MUC5B: variants seen among roughly 807,000 people sequenced by gnomAD.
The protein encoded by MUC5B is mucin 5B, oligomeric mucus/gel-forming.
In MUC5B, 116 loss-of-function variants were observed where a neutral mutation model predicts 376.9. The observed-to-expected ratio is 0.31, with a 90% CI of 0.26 to 0.36. MUC5B has a LOEUF of 0.36. Ranked by LOEUF, MUC5B falls within the 10% of genes least tolerant of loss-of-function variation. MUC5B has a pLI of 1.00. For missense variants in MUC5B, 7,165 were observed against 7,769.9 expected, an observed-to-expected ratio of 0.92 and a Z score of 2.93; for synonymous variants, 3,517 against 3,390.9, an observed-to-expected ratio of 1.04 and a Z score of -1.29.
rs769050062 is a variant in MUC5B at position 1,232,444 on chromosome 11, C to G, written c.1844-6C>G. The G allele has an allele frequency of 4.4e-6, 7 of 1,601,032 alleles. No individual in the cohort carries two copies. In the East Asian group the frequency reaches 1.4e-4, roughly 31 times the overall value. On this transcript the variant is annotated splice_polypyrimidine_tract_variant and splice_region_variant and intron_variant, in intron 15 of 48. Transcript: ENST00000529681. ...GCGTGGAGATGAGGTCAGGTCTTCCCCACAGAGAACTACGCCCGGCACTGG... is the reference window on the plus strand; with the variant it reads ...GCGTGGAGATGAGGTCAGGTCTTCCGCACAGAGAACTACGCCCGGCACTGG...
At position 1,250,091 on chromosome 11, in the gene MUC5B, C is replaced by G. The variant is rs2943517; in HGVS notation, c.13211C>G (p.Ala4404Gly). The change falls in exon 31 of 49, where the codon GCC becomes GGC. Residue 4404 changes from alanine (A) to glycine (G), a missense_variant. Transcript: ENST00000529681. ...ELTTAATTTAATGPTATPSST... is the reference protein window; with the variant it reads ...ELTTAATTTAGTGPTATPSST... The stretch of plus-strand genomic sequence containing the variant: ...ACCACAGCAGCCACTACAACTGCAG[C>G]CACTGGCCCCACGGCCACCCCGTCC... The G allele has an allele frequency of 0.44, 712,636 of 1,610,152 alleles. 159,555 individuals carry two copies. Among genetic ancestry groups the G allele is most frequent in the East Asian group, 0.67 (29,698 of 44,238 alleles).
In MUC5B at chr11:1,249,033, C is replaced by T. The variant is rs747420835; in HGVS notation, c.12153C>T (p.Thr4051=). ...AGCCTTCCACGGGGACTTCCCACAC[C>T]CCAGCAGCAACCACCGGTACCACCC... The part of the protein sequence containing the change: ...ITEPSTGTSH[T]PAATTGTTQH... Residue 4051 remains threonine (T), a synonymous_variant, in exon 31 of 49, where the codon ACC becomes ACT. Transcript: ENST00000529681. 6.8e-6 allele frequency: 11 copies of T among 1,610,326 alleles called. No individual in the cohort carries two copies. Among genetic ancestry groups the T allele is most frequent in the Non-Finnish European group, 8.5e-6 (10 of 1,179,286 alleles).
In MUC5B at chr11:1,253,788, C is replaced by G. The variant is rs72846374; in HGVS notation, c.15218-304C>G. On this transcript the variant is annotated intron_variant, in intron 33 of 48. Coordinates refer to ENST00000529681, the MANE Select transcript of MUC5B (RefSeq NM_002458.3). The surrounding 1 kb of genome is among the most constrained non-coding windows in gnomAD (Gnocchi z 4.3). ...TTCTGTCTCCCGTAAGGACACTGGT[C>G]ATTGGATTGAGGGCCCACCCAGCTA... Among the ~76,000 whole-genome samples the G allele has an allele frequency of 6.6e-6, 1 of 152,272 alleles. No individual in the cohort carries two copies. The highest frequency in any genetic ancestry group is 3.4e-3 in the Middle Eastern group (1 of 294).
At chr11:1,238,834 T>C in intron 25 of MUC5B, 37 bp from the exon 26 acceptor site, 1 of 1,535,538 alleles carries the variant, frequency 6.5e-7, no homozygotes, top group Non-Finnish European at 8.8e-7. Flanking sequence ...GGGGGGGCCA[T>C]TGTCCCGGCT....
At position 1,261,886 on chromosome 11, in the gene MUC5B, G is replaced by A; in HGVS notation, c.*278G>A. 2 of 666,620 alleles carry A rather than the reference G, an allele frequency of 3.0e-6. No homozygotes were observed. Among genetic ancestry groups the A allele is most frequent in the Non-Finnish European group, 5.5e-6 (2 of 362,002 alleles). 41.3% of individuals were successfully genotyped at this position (666,620 alleles called of 1,614,324 possible). A position where few individuals can be genotyped will look rare whatever the true frequency, so the allele number is the denominator to read the frequency against. On this transcript the variant is annotated 3_prime_UTR_variant, in exon 49 of 49. Transcript: ENST00000529681. ...CTCCCTGATGTCACTGGGACGCCCT[G>A]GAACAAACTAAGCATGTGCGGGCCT...
At chr11:1,240,621 T>C (rs534201029) in intron 30 of MUC5B, among the ~76,000 whole-genome samples, 15 of 152,302 alleles carry the variant, frequency 9.8e-5, no homozygotes, top group South Asian at 8.3e-4. Context: ...CTCCGTCCCA[T>C]CCCTCAGCAC....
chr11:1,226,580 G>GCA, intron 3 of MUC5B, 35 bp from the exon 4 acceptor site: 1 of 1,585,720 alleles, frequency 6.3e-7, no homozygotes, highest in Non-Finnish European at 8.6e-7. Flanking sequence ...TGGGGGGCTG[G>GCA]CATGGGGATG....
Position 1,260,402 on chromosome 11 carries a change from A to G in MUC5B, c.16966+9A>G. 6.2e-7 allele frequency: 1 copy of G among 1,612,382 alleles called. No individual in the cohort carries two copies. Among genetic ancestry groups the G allele is most frequent in the African/African-American group, 1.3e-5 (1 of 75,034 alleles). On this transcript the variant is annotated intron_variant, in intron 47 of 48. Coordinates refer to ENST00000529681, the MANE Select transcript of MUC5B (RefSeq NM_002458.3). ...CTACTCCTGTGAGGAGGGTAAGTGG[A>G]AGCCACCTTCCCACACCAGCCCTCC...
intron 26 of MUC5B, 95 bp downstream of exon 26, chr11:1,239,122 A>C: frequency 7.0e-7 from 1 of 1,419,392 alleles, no homozygotes; most frequent in Non-Finnish European, 9.6e-7. Flanking sequence ...CCTGGGCCTG[A>C]GCCGCACACA....
rs370196435 is a variant in MUC5B, at chr11:1,252,464, C to T, written c.14985C>T (p.Ser4995=). The T allele has an allele frequency of 2.3e-4, 373 of 1,605,716 alleles. 1 individual carries two copies. Among genetic ancestry groups the T allele is most frequent in the South Asian group, 1.0e-3 (93 of 90,022 alleles). The change falls in exon 32 of 49, where the codon TCC becomes TCT. Residue 4995 remains serine, a synonymous_variant. Transcript: ENST00000529681. The part of the protein sequence containing the change: ...ACPTSPPPVS[S]APLSSPSPAP... ...CCACCTCCCCACCGCCAGTGTCCTC[C>T]GCCCCGCTGTCCTCGCCCTCCCCTG...
chr11:1,256,961 C>T (rs1213890795), intron 39 of MUC5B, among the ~76,000 whole-genome samples, 190 bp downstream of exon 39: 25 of 152,150 alleles, frequency 1.6e-4, no homozygotes, highest in Non-Finnish European at 5.9e-5. Context: ...CCACGGTCCC[C>T]TGAAGCCCCA....
rs774969000 is a variant in MUC5B, at chr11:1,254,239, C to T, written c.15365C>T (p.Thr5122Met). 1.7e-5 allele frequency: 27 copies of T among 1,612,424 alleles called. No homozygotes were observed. The highest frequency in any genetic ancestry group is 9.9e-5 in the South Asian group (9 of 91,096). ...CTCTACCTGGACAACCACTACTGCA[C>T]GGCCTCTGCCACTGCCGCTGCCGCC... Reference protein sequence around the residue: ...LSLYLDNHYCTASATAAAARC... With the variant: ...LSLYLDNHYCMASATAAAARC... The change falls in exon 34 of 49, where the codon ACG becomes ATG. Residue 5122 changes from threonine (T) to methionine (M), a missense_variant. This residue lies in a region of MUC5B where 842 missense variants were observed against 1,016.9 expected (regional missense o/e 0.83). Transcript: ENST00000529681.
chr11:1,232,988 T>TC (rs752480740), intron 17 of MUC5B, 25 bp from the exon 18 acceptor site: 1 of 1,547,624 alleles, frequency 6.5e-7, no homozygotes, highest in African/African-American at 1.4e-5. Flanking sequence ...CGCTGACCTG[T>TC]CCCCCCTGGC....
rs1300170398 is a variant in MUC5B at position 1,249,903 on chromosome 11, C to T, written c.13023C>T (p.Thr4341=). Residue 4341 remains threonine, a synonymous_variant, in exon 31 of 49, where the codon ACC becomes ACT. Coordinates refer to ENST00000529681, the MANE Select transcript of MUC5B (RefSeq NM_002458.3). ...CCACCGGGACCCTCCCAGAACAGAC[C>T]ACCACACCCGTGGCCACCATGTCCA... The part of the protein sequence containing the change: ...LGTTGTLPEQ[T]TTPVATMSTI... 2 of 1,613,688 alleles carry T rather than the reference C, an allele frequency of 1.2e-6. No individual in the cohort carries two copies. Among genetic ancestry groups the T allele is most frequent in the African/African-American group, 1.3e-5 (1 of 74,988 alleles).
In MUC5B at chr11:1,242,909, C is replaced by A. The variant is rs553603998; in HGVS notation, c.6029C>A (p.Pro2010His). 34 of 1,613,580 alleles carry A rather than the reference C, an allele frequency of 2.1e-5. No homozygotes were observed. In the Admixed American group the frequency reaches 5.5e-4, roughly 26 times the overall value. Residue 2010 changes from proline to histidine, a missense_variant, in exon 31 of 49, where the codon CCC (proline) becomes CAC (histidine). Transcript: ENST00000529681. ...ACGGCCACCATGTCCACAGCCACAC[C>A]CTCCTCCACTCCAGAGACTGCCCAC... Reference protein sequence around the residue: ...TPTATMSTATPSSTPETAHTS... With the variant: ...TPTATMSTATHSSTPETAHTS...
Position 1,249,678 on chromosome 11 carries a change from G to C in MUC5B, c.12798G>C (p.Thr4266=). The change falls in exon 31 of 49, where the codon ACG becomes ACC. Residue 4266 remains threonine, a synonymous_variant. Transcript: ENST00000529681. ...TATTTASTGS[T]ATPSSTPGTA... ...CTACGACTGCATCCACTGGATCCAC[G>C]GCCACCCCGTCCTCCACCCCGGGAA... The C allele has an allele frequency of 1.2e-6, 2 of 1,610,030 alleles. No homozygotes were observed. Among genetic ancestry groups the C allele is most frequent in the Non-Finnish European group, 1.7e-6 (2 of 1,177,956 alleles).
Position 1,241,735 on chromosome 11 carries a change from GCCA to G in MUC5B, c.4870_4872del (p.Thr1624del), listed in dbSNP as rs371395761. 45 of 1,610,834 alleles carry G rather than the reference GCCA, an allele frequency of 2.8e-5. No individual in the cohort carries two copies. Among genetic ancestry groups the G allele is most frequent in the African/African-American group, 8.0e-5 (6 of 74,792 alleles). The stretch of plus-strand genomic sequence containing the variant: ...GCCACCGACCACAGAGCTGGAGACG[GCCA>G]CCACCACCACCACCCAGGCCCTGTT... On this transcript the variant is annotated inframe_deletion, in exon 31 of 49. Transcript: ENST00000529681.
At position 1,257,718 on chromosome 11, in the gene MUC5B, G is replaced by C. The variant is rs55665964; in HGVS notation, c.16450+8G>C. 44,912 of 1,540,446 alleles carry C rather than the reference G, an allele frequency of 0.029. 830 individuals carry two copies. The highest frequency in any genetic ancestry group is 0.032 in the Non-Finnish European group (37,235 of 1,148,852). On this transcript the variant is annotated splice_region_variant and intron_variant, in intron 41 of 48. Transcript: ENST00000529681. This position sits in a 1 kb window ranked among gnomAD's most constrained non-coding sequence, Gnocchi z 8.9. ...GCCCCGAGACGGTGTGCGGTAAGAC[G>C]CTGCAGAGCAGAGGTGCCCGGCATA...
chr11:1,260,186 GCTGGGGAGGCCCCACCCCT>G, intron 46 of MUC5B, 101 bp downstream of exon 46: 1 of 1,402,126 alleles, frequency 7.1e-7, no homozygotes, highest in Non-Finnish European at 9.7e-7. Context: ...CCCCACCCCT[GCTGGGGAGGCCCCACCCCT>G]GCCTGGGAAG....
Sources: gnomAD v4.1 joint callset for allele counts (sites outside exome capture counted in the v4.1 genomes callset) on GRCh38, gnomAD v4.1.1 for gene constraint, gnomAD v4.1.1 regional missense constraint, Gnocchi (gnomAD v3.1) non-coding constraint, MANE v1.5 for transcripts, NCBI Gene and HGNC (gene_info 2026-07-23, HGNC 2026-07-21) for gene names.